The following ARHGEF6 variants were observed in gnomAD, a reference collection of about 807,000 sequenced individuals.
ARHGEF6 encodes Rac/Cdc42 guanine nucleotide exchange factor 6, also known as rho guanine nucleotide exchange factor 6.
Under a neutral mutation model 70.3 loss-of-function variants are expected in ARHGEF6, and 9 were observed. That is an observed-to-expected ratio of 0.13 (90% confidence interval 0.08 to 0.22). ARHGEF6 has a LOEUF of 0.22. ARHGEF6 is among the 10% of genes least tolerant of loss of function. The pLI is 1.00. For missense variants in ARHGEF6, 470 were observed against 563.0 expected (o/e 0.83, Z 1.67); for synonymous variants, 201 against 207.8 (o/e 0.97, Z 0.28).
intron 2 of ARHGEF6, chrX:136,768,526 A>C (rs932030147): frequency 8.9e-6 from 1 of 112,207 alleles, no homozygotes; most frequent in African/African-American, 3.2e-5. Context: ...TACAACCATT[A>C]GACATTACCC....
intron 2 of ARHGEF6, chrX:136,767,587 G>A (rs2077330341): frequency 1.3e-6 from 1 of 753,313 alleles, no homozygotes; most frequent in Non-Finnish European, 1.6e-6. Flanking sequence ...GGCGCGCCCC[G>A]CTGGGTGCGC....
At chrX:136,766,392 T>TG (rs34091837) in intron 2 of ARHGEF6, among the ~76,000 whole-genome samples, 26,334 of 103,462 alleles carry the variant, frequency 0.25, 3,211 homozygotes, top group East Asian at 0.55. Flanking sequence ...AGGTTTTTTT[T>TG]GGGGGGGGGT....
Position 136,678,017 on chromosome X carries a change from A to G in ARHGEF6, c.1831-61T>C, listed in dbSNP as rs1461757511. On this transcript the variant is annotated intron_variant, in intron 16 of 21. Coordinates refer to ENST00000250617, the MANE Select transcript of ARHGEF6 (RefSeq NM_004840.3). ...TGAGAGGTCGATGGTTATAATGACC[A>G]AATCCACTTATCAATAATTCTAAAA... 4.2e-6 allele frequency: 4 copies of G among 956,400 alleles called. No homozygotes were observed. In the African/African-American group the frequency reaches 7.6e-5, roughly 18 times the overall value. 78.8% of individuals were successfully genotyped at this position (956,400 alleles called of 1,213,427 possible). A position where few individuals can be genotyped will look rare whatever the true frequency, so the allele number is the denominator to read the frequency against.
At chrX:136,727,092 C>A (rs781192288) in intron 6 of ARHGEF6, among the ~76,000 whole-genome samples, 4 of 111,994 alleles carry the variant, frequency 3.6e-5, no homozygotes, top group Non-Finnish European at 7.5e-5. Context: ...AACTTCCGAC[C>A]TTCCTCCAAG....
intron 2 of ARHGEF6, among the ~76,000 whole-genome samples, chrX:136,750,466 A>G (rs1358231589): frequency 1.8e-5 from 2 of 111,911 alleles, no homozygotes; most frequent in African/African-American, 6.5e-5. Context: ...TGAGTCCCAG[A>G]TTAGCTGAAC....
chrX:136,718,821 A>C (rs2076764827), intron 6 of ARHGEF6, among the ~76,000 whole-genome samples: 1 of 110,271 alleles, frequency 9.1e-6, no homozygotes, highest in Admixed American at 9.7e-5. Context: ...TGAACAAAAG[A>C]AACATTTTCT....
chrX:136,769,206 A>T (rs2077345748), intron 2 of ARHGEF6, among the ~76,000 whole-genome samples: 1 of 111,121 alleles, frequency 9.0e-6, no homozygotes, highest in Non-Finnish European at 1.9e-5. Flanking sequence ...GAGGTCAGGA[A>T]TTCGAGACCA....
intron 9 of ARHGEF6, among the ~76,000 whole-genome samples, chrX:136,696,797 C>T (rs2076516969): frequency 9.1e-6 from 1 of 110,471 alleles, no homozygotes; most frequent in Non-Finnish European, 1.9e-5. Flanking sequence ...CCTCCCAACT[C>T]AGCTTGACAG....
chrX:136,689,499 C>T (rs938519166), intron 10 of ARHGEF6, among the ~76,000 whole-genome samples: 1 of 112,193 alleles, frequency 8.9e-6, no homozygotes, highest in Non-Finnish European at 1.9e-5. Flanking sequence ...AAACCTCAAA[C>T]GGTTCAGCAA....
At chrX:136,725,420 G>A (rs1442265294) in intron 6 of ARHGEF6, among the ~76,000 whole-genome samples, 1 of 106,871 alleles carries the variant, frequency 9.4e-6, no homozygotes, top group Non-Finnish European at 1.9e-5. Context: ...TTCTCTTGCT[G>A]TGGTTGGATG....
chrX:136,722,451 A>G (rs2076808673), intron 6 of ARHGEF6, among the ~76,000 whole-genome samples: 1 of 112,278 alleles, frequency 8.9e-6, no homozygotes, highest in Non-Finnish European at 1.9e-5. Context: ...CACAATATAT[A>G]TAGAACTATT....
intron 3 of ARHGEF6, among the ~76,000 whole-genome samples, chrX:136,746,539 G>C (rs1270258581): frequency 9.0e-6 from 1 of 111,673 alleles, no homozygotes; most frequent in African/African-American, 3.3e-5. Context: ...TTTCACGTGG[G>C]TAAGTTGAGT....
intron 12 of ARHGEF6, among the ~76,000 whole-genome samples, chrX:136,683,221 C>A (rs935385512): frequency 1.8e-5 from 2 of 111,508 alleles, no homozygotes; most frequent in African/African-American, 6.5e-5. Flanking sequence ...GAAAAAATGG[C>A]AAGATGAAGG....
intron 19 of ARHGEF6, among the ~76,000 whole-genome samples, chrX:136,672,910 C>T (rs142309846): frequency 0.021 from 2,379 of 111,929 alleles, 134 homozygotes; most frequent in Admixed American, 0.17. Flanking sequence ...ACACTCACTG[C>T]CTTCACTTGA....
At chrX:136,734,485 T>C (rs1011562399) in intron 5 of ARHGEF6, among the ~76,000 whole-genome samples, 2 of 112,289 alleles carry the variant, frequency 1.8e-5, no homozygotes, top group African/African-American at 6.5e-5. Context: ...GCCTTATAAC[T>C]ATTAAGGAAA....
chrX:136,745,953 C>T (rs1030799859), intron 3 of ARHGEF6, among the ~76,000 whole-genome samples: 2 of 111,771 alleles, frequency 1.8e-5, no homozygotes, highest in Non-Finnish European at 3.8e-5. Context: ...TTCGACCAGG[C>T]CAGAGCTGAG....
In ARHGEF6 at chrX:136,666,734, C is replaced by T. The variant is rs746054395; in HGVS notation, c.*1295G>A. ...GCGCTGAATTTGGATGTGTGCTGTT[C>T]TGTGACTGTCTTCTAAACCTGGTTT... On this transcript the variant is annotated 3_prime_UTR_variant, in exon 22 of 22. Transcript: ENST00000250617. 1 of 111,781 alleles carries T rather than the reference C, an allele frequency of 8.9e-6. No homozygotes were observed. Among genetic ancestry groups the T allele is most frequent in the African/African-American group, 3.3e-5 (1 of 30,752 alleles). 9.2% of individuals were successfully genotyped at this position (111,781 alleles called of 1,213,427 possible).
At chrX:136,771,320 C>G (rs1469946504) in intron 2 of ARHGEF6, among the ~76,000 whole-genome samples, 3 of 112,227 alleles carry the variant, frequency 2.7e-5, no homozygotes, top group Non-Finnish European at 5.6e-5. Context: ...TCTCAGCTGG[C>G]CTTTTTTGTA....
chrX:136,674,638 G>A (rs1468170990), intron 19 of ARHGEF6, among the ~76,000 whole-genome samples: 1 of 112,190 alleles, frequency 8.9e-6, no homozygotes, highest in Non-Finnish European at 1.9e-5. Context: ...CTGCCTATAA[G>A]AAGAGATTAG....
Sources: allele counts gnomAD v4.1 joint callset (sites outside exome capture counted in the v4.1 genomes callset), GRCh38; gene constraint gnomAD v4.1.1; transcripts MANE v1.5; gene names NCBI Gene and HGNC (gene_info 2026-07-23, HGNC 2026-07-21).